PLEKHH1: variants seen among roughly 807,000 people sequenced by gnomAD.
PLEKHH1 encodes the protein pleckstrin homology, MyTH4 and FERM domain containing H1, also known as pleckstrin homology domain-containing family H member 1.
Under a neutral mutation model 160.0 loss-of-function variants are expected in PLEKHH1, and 104 were observed. That is an observed-to-expected ratio of 0.65 (90% CI 0.55 to 0.76). The LOEUF (loss-of-function observed/expected upper bound fraction) is 0.76. Ranked by LOEUF, PLEKHH1 falls within the 30% of genes least tolerant of loss-of-function variation. The probability of loss-of-function intolerance (pLI) is 0.00; values close to 1 mark genes in which losing one functional copy is unlikely to be tolerated. For missense variants in PLEKHH1, 1,427 were observed against 1,724.1 expected (o/e 0.83, Z 3.05); for synonymous variants, 619 against 678.4 (o/e 0.91, Z 1.36).
chr14:67,578,203 G>A lies in PLEKHH1; in HGVS notation c.2751+4G>A, dbSNP rs753905448. ...TCAGAAGTACTCCCTCATGCAGGTA[G>A]GCATGCCAGGGGTGGAGCAGCTGAC... On this transcript the variant is annotated splice_donor_region_variant and intron_variant, in intron 19 of 28. Coordinates refer to ENST00000329153, the MANE Select transcript of PLEKHH1 (RefSeq NM_020715.3). This position sits in a 1 kb window ranked among gnomAD's most constrained non-coding sequence, Gnocchi z 5.0. 15 of 1,612,348 alleles carry A rather than the reference G, an allele frequency of 9.3e-6. No individual in the cohort carries two copies. In the East Asian group the frequency reaches 2.9e-4, roughly 31 times the overall value.
In PLEKHH1 at chr14:67,585,638, T is replaced by G; in HGVS notation, c.3770T>G (p.Leu1257Arg). The G allele has an allele frequency of 6.4e-7, 1 of 1,571,506 alleles. No individual in the cohort carries two copies. The highest frequency in any genetic ancestry group is 8.6e-7 in the Non-Finnish European group (1 of 1,156,178). ...GTGAATGAGGATGGCGTCAGCATCC[T>G]GGACCACAACACTATGGTATGAAAG... is the stretch of plus-strand genomic sequence containing the variant. ...IAVNEDGVSI[L>R]DHNTMQVHIT... Residue 1257 changes from leucine to arginine, a missense_variant, in exon 27 of 29, where the codon CTG becomes CGG. Around this residue, in one of 6 missense-constraint regions of PLEKHH1, gnomAD observed 56 missense variants for 53.0 expected, o/e 1.06. Transcript: ENST00000329153.
At chr14:67,580,780 G>A (rs2035855626) in intron 22 of PLEKHH1, 158 bp from the exon 23 acceptor site, 2 of 584,992 alleles carry the variant, frequency 3.4e-6, no homozygotes, top group Admixed American at 3.0e-5. Context: ...TGCCACCTTG[G>A]GTCCAGGAAG....
chr14:67,572,323 AG>A, intron 11 of PLEKHH1, 46 bp downstream of exon 11: 1 of 1,486,310 alleles, frequency 6.7e-7, no homozygotes. Flanking sequence ...AGAATGCAGC[AG>A]AGGCTGCTGG....
At position 67,554,602 on chromosome 14, in the gene PLEKHH1, C is replaced by A. The variant is rs551193567; in HGVS notation, c.127-1223C>A. On this transcript the variant is annotated intron_variant, in intron 2 of 28. Transcript: ENST00000329153. ...GATGCATGAATTTGCTCTGCTTCTG[C>A]GGGTCCTCCATGTGATGATGTCCAA... Among the ~76,000 whole-genome samples the A allele has an allele frequency of 3.3e-5, 5 of 152,316 alleles. 1 individual carries two copies. The highest frequency in any genetic ancestry group is 1.2e-4 in the African/African-American group (5 of 41,564).
chr14:67,554,196 A>G (rs945283624), intron 2 of PLEKHH1, among the ~76,000 whole-genome samples: 17 of 152,240 alleles, frequency 1.1e-4, no homozygotes, highest in Admixed American at 9.8e-4. Flanking sequence ...TACTGCTTCC[A>G]TGTAACTTTC....
rs1385574515 is a variant in PLEKHH1, at chr14:67,575,589, C to T, written c.2169+117C>T. 3 of 778,126 alleles carry T rather than the reference C, an allele frequency of 3.9e-6. No individual in the cohort carries two copies. The South Asian group carries it at 4.5e-5, about 12-fold the overall frequency. The allele number at this position is 778,126 out of a possible 1,614,324, so 48.2% of individuals were successfully genotyped here. On this transcript the variant is annotated intron_variant, in intron 15 of 28. Transcript: ENST00000329153. ...CGTAACCCCACAATAAATACAAAAT[C>T]AGTTGGCTGGATCCCTCCAGAGTGT...
Position 67,582,224 on chromosome 14 carries a change from C to G in PLEKHH1, c.3426+14C>G, listed in dbSNP as rs2140535077. 1.2e-6 allele frequency: 2 copies of G among 1,613,532 alleles called. No homozygotes were observed. The highest frequency in any genetic ancestry group is 4.5e-5 in the East Asian group (2 of 44,878). On this transcript the variant is annotated intron_variant, in intron 24 of 28. Transcript: ENST00000329153. This position sits in a 1 kb window ranked among gnomAD's most constrained non-coding sequence, Gnocchi z 5.0. ...CTGATGGCCCAGGTAAGGTTCTGTTCAGGAAGCAGGAGGGTCGGGTTGCCA... is the reference window on the plus strand; with the variant it reads ...CTGATGGCCCAGGTAAGGTTCTGTTGAGGAAGCAGGAGGGTCGGGTTGCCA...
chr14:67,536,790 C>T (rs746228210), intron 1 of PLEKHH1, among the ~76,000 whole-genome samples: 9 of 151,888 alleles, frequency 5.9e-5, no homozygotes, highest in Non-Finnish European at 1.3e-4. Flanking sequence ...CGCCTGTAAT[C>T]CCAGCACTTT....
intron 15 of PLEKHH1, 117 bp downstream of exon 15, chr14:67,575,589 C>G (rs1385574515): frequency 2.6e-6 from 2 of 778,126 alleles, no homozygotes; most frequent in Middle Eastern, 2.2e-4. Context: ...AATACAAAAT[C>G]AGTTGGCTGG....
rs1342834181 is a variant in PLEKHH1 at position 67,574,193 on chromosome 14, C to T, written c.1927-49C>T. On this transcript the variant is annotated intron_variant, in intron 13 of 28. Coordinates refer to ENST00000329153, the MANE Select transcript of PLEKHH1 (RefSeq NM_020715.3). This position sits in a 1 kb window ranked among gnomAD's most constrained non-coding sequence, Gnocchi z 4.2. Reference sequence around the variant, plus strand: ...CCACCTCGGAGCCAGGTCCTGGTTACTCCATTCTCCCAGCGTGCTGCCCCA... The same window carrying T: ...CCACCTCGGAGCCAGGTCCTGGTTATTCCATTCTCCCAGCGTGCTGCCCCA... 1.3e-6 allele frequency: 2 copies of T among 1,509,496 alleles called. No homozygotes were observed. Among genetic ancestry groups the T allele is most frequent in the Non-Finnish European group, 1.8e-6 (2 of 1,123,812 alleles). 93.5% of individuals were successfully genotyped at this position (1,509,496 alleles called of 1,614,324 possible). A position where few individuals can be genotyped will look rare whatever the true frequency, so the allele number is the denominator to read the frequency against.
At chr14:67,581,100 C>T (rs1397485556) in intron 23 of PLEKHH1, 62 bp downstream of exon 23, 8 of 1,018,402 alleles carry the variant, frequency 7.9e-6, no homozygotes, top group South Asian at 2.5e-5. Context: ...GCCAGCTCAT[C>T]GCCTCCTCGA....
chr14:67,589,289 A>AAACT lies in PLEKHH1; in HGVS notation c.*2059_*2062dup, dbSNP rs1247675652. On this transcript the variant is annotated 3_prime_UTR_variant, in exon 29 of 29. Transcript: ENST00000329153. ...TTAGTTTATTAATCTTATACAGAAG[A>AAACT]AACTAACTTAGAAACAAAGGATTCA... 1 of 943,678 alleles carries AAACT rather than the reference A, an allele frequency of 1.1e-6. No homozygotes were observed. Among genetic ancestry groups the AAACT allele is most frequent in the Non-Finnish European group, 1.3e-6 (1 of 792,022 alleles). 58.5% of individuals were successfully genotyped at this position (943,678 alleles called of 1,614,324 possible).
At chr14:67,558,606 A>T (rs933110338) in intron 4 of PLEKHH1, among the ~76,000 whole-genome samples, 1 of 152,220 alleles carries the variant, frequency 6.6e-6, no homozygotes, top group Non-Finnish European at 1.5e-5. Context: ...AGGTCATTTT[A>T]CAATTGGAAT....
chr14:67,550,315 A>C (rs1452143392), intron 2 of PLEKHH1, among the ~76,000 whole-genome samples: 1 of 152,058 alleles, frequency 6.6e-6, no homozygotes, highest in African/African-American at 2.4e-5. Flanking sequence ...TAGCCTCCTA[A>C]GTAGGTGGGA....
intron 26 of PLEKHH1, among the ~76,000 whole-genome samples, chr14:67,584,891 G>C (rs2036075559): frequency 6.6e-6 from 1 of 152,126 alleles, no homozygotes; most frequent in Non-Finnish European, 1.5e-5. Context: ...GTGTTATAAA[G>C]GCATATAACA....
chr14:67,575,750 C>A, intron 15 of PLEKHH1, 73 bp from the exon 16 acceptor site: 1 of 1,116,314 alleles, frequency 9.0e-7, no homozygotes, highest in Non-Finnish European at 1.3e-6. Context: ...TTCACGGAGC[C>A]TATGTATTCA....
intron 9 of PLEKHH1, chr14:67,570,286 G>C (rs1015675772): frequency 2.1e-6 from 2 of 970,808 alleles, no homozygotes. Context: ...TCTCATGTCT[G>C]CCTCACTCCT....
In PLEKHH1 at chr14:67,573,930, G is replaced by A; in HGVS notation, c.1926+43G>A. ...TGCTAGTATTTTAAACAGAAGAGGT[G>A]CTGGGTTTGGATATGGCCGTGAGTG... On this transcript the variant is annotated intron_variant, in intron 13 of 28. Coordinates refer to ENST00000329153, the MANE Select transcript of PLEKHH1 (RefSeq NM_020715.3). This position sits in a 1 kb window ranked among gnomAD's most constrained non-coding sequence, Gnocchi z 4.8. 1 of 1,436,278 alleles carries A rather than the reference G, an allele frequency of 7.0e-7. No homozygotes were observed. Among genetic ancestry groups the A allele is most frequent in the Non-Finnish European group, 9.8e-7 (1 of 1,017,470 alleles). 89.0% of individuals were successfully genotyped at this position (1,436,278 alleles called of 1,614,324 possible).
chr14:67,568,149 T>C (rs1594772858), intron 7 of PLEKHH1, among the ~76,000 whole-genome samples: 1 of 152,182 alleles, frequency 6.6e-6, no homozygotes, highest in East Asian at 1.9e-4. Context: ...TTCCCACATA[T>C]GTTCATCACA....
Sources: gnomAD v4.1 joint callset for allele counts (sites outside exome capture counted in the v4.1 genomes callset) on GRCh38, gnomAD v4.1.1 for gene constraint, gnomAD v4.1.1 regional missense constraint, Gnocchi (gnomAD v3.1) non-coding constraint, MANE v1.5 for transcripts, NCBI Gene and HGNC (gene_info 2026-07-23, HGNC 2026-07-21) for gene names.